Variants in ARHGEF3 observed in about 807,000 individuals in gnomAD.
The protein encoded by ARHGEF3 is 59.8 kDA protein.
ARHGEF3 carries 28 observed loss-of-function variants against 63.2 expected under a neutral mutation model. The ratio of observed to expected loss-of-function variants is 0.44; its 90% CI spans 0.33 to 0.61. The LOEUF (loss-of-function observed/expected upper bound fraction) is 0.61. Among genes scored for constraint, ARHGEF3 ranks in the 20% least tolerant of loss-of-function variants. The probability of loss-of-function intolerance (pLI) is 0.03; values close to 1 mark genes in which losing one functional copy is unlikely to be tolerated. For missense variants in ARHGEF3, 533 were observed against 659.3 expected (o/e 0.81, Z 2.10); for synonymous variants, 266 against 254.2 (o/e 1.05, Z -0.44).
At chr3:56,749,254 G>C (rs2034585852) in intron 6 of ARHGEF3, among the ~76,000 whole-genome samples, 1 of 152,266 alleles carries the variant, frequency 6.6e-6, no homozygotes, top group African/African-American at 2.4e-5. Flanking sequence ...GGGCCAGCAT[G>C]GTCACACTTC....
intron 2 of ARHGEF3, among the ~76,000 whole-genome samples, chr3:56,997,152 C>A (rs1702027345): frequency 6.6e-6 from 1 of 152,014 alleles, no homozygotes; most frequent in Non-Finnish European, 1.5e-5. Flanking sequence ...CTGAGGCCTG[C>A]GATGCTTGGT....
chr3:56,973,639 A>G (rs1701014400), intron 2 of ARHGEF3, among the ~76,000 whole-genome samples: 1 of 152,188 alleles, frequency 6.6e-6, no homozygotes, highest in African/African-American at 2.4e-5. Context: ...GCGGAGGCCA[A>G]GTGAAGACAG....
rs370952368 is a variant in ARHGEF3, at chr3:56,755,175, A to G, written c.205-24T>C. ...CGCTAAACAATGAGAAAAACAAACC[A>G]TCACGGGGGCAGCGGCAGGACTGGG... On this transcript the variant is annotated intron_variant, in intron 2 of 9. Transcript: ENST00000296315. 10 of 1,608,644 alleles carry G rather than the reference A, an allele frequency of 6.2e-6. 1 individual carries two copies. Among genetic ancestry groups the G allele is most frequent in the African/African-American group, 2.7e-5 (2 of 74,832 alleles).
chr3:56,803,270 T>C (rs899791467), upstream of ARHGEF3, among the ~76,000 whole-genome samples: 4 of 151,640 alleles, frequency 2.6e-5, no homozygotes, highest in Admixed American at 1.3e-4. Flanking sequence ...ACCCTGTGTC[T>C]ACAAAAAAAA....
intron 3 of ARHGEF3, among the ~76,000 whole-genome samples, chr3:56,909,681 G>T (rs2041803431): frequency 6.6e-6 from 1 of 152,196 alleles, no homozygotes; most frequent in Non-Finnish European, 1.5e-5. Context: ...CCTAATACAT[G>T]CCGGGCCTTG....
intron 4 of ARHGEF3, among the ~76,000 whole-genome samples, chr3:56,849,052 C>T (rs1372870315): frequency 6.6e-6 from 1 of 152,198 alleles, no homozygotes; most frequent in African/African-American, 2.4e-5. Context: ...CAGCAGGTAT[C>T]CGCTCTTTAT....
At chr3:56,928,567 A>G (rs1029010247) in intron 3 of ARHGEF3, among the ~76,000 whole-genome samples, 1 of 152,206 alleles carries the variant, frequency 6.6e-6, no homozygotes, top group Non-Finnish European at 1.5e-5. Context: ...CAATTACTGC[A>G]GACAACAATT....
At chr3:56,807,977 AGC>A (rs2037924678) in intron 4 of ARHGEF3, among the ~76,000 whole-genome samples, 2 of 152,090 alleles carry the variant, frequency 1.3e-5, no homozygotes, top group Admixed American at 1.3e-4. Context: ...TACGAAAATT[AGC>A]CAGGCATGGT....
chr3:57,040,673 C>A (rs1347038995), intron 1 of ARHGEF3, among the ~76,000 whole-genome samples: 1 of 151,932 alleles, frequency 6.6e-6, no homozygotes, highest in Non-Finnish European at 1.5e-5. Context: ...ACAGTTATGA[C>A]CGGTGCCCTT....
chr3:56,855,921 A>C (rs1010372717), intron 4 of ARHGEF3, among the ~76,000 whole-genome samples: 4 of 152,248 alleles, frequency 2.6e-5, no homozygotes, highest in African/African-American at 9.6e-5. Context: ...TTAACTTCTA[A>C]AACAATATCC....
intron 2 of ARHGEF3, among the ~76,000 whole-genome samples, chr3:57,004,965 TAAATA>T (rs1702411775): frequency 6.7e-6 from 1 of 149,976 alleles, no homozygotes; most frequent in African/African-American, 2.5e-5. Flanking sequence ...ATTTTAAAAA[TAAATA>T]AATATATATA....
chr3:56,964,887 T>C (rs947776522), intron 2 of ARHGEF3, among the ~76,000 whole-genome samples: 2 of 151,894 alleles, frequency 1.3e-5, no homozygotes, highest in African/African-American at 2.4e-5. Context: ...AAAATAGACA[T>C]TAAATAGATA....
chr3:57,005,884 G>C (rs1362437365), intron 2 of ARHGEF3, among the ~76,000 whole-genome samples: 1 of 152,192 alleles, frequency 6.6e-6, no homozygotes, highest in Non-Finnish European at 1.5e-5. Context: ...GCTTTCTAGT[G>C]TTCAAAGTTT....
Position 56,732,279 on chromosome 3 carries a change from A to T in ARHGEF3, c.1187T>A (p.Leu396Gln), listed in dbSNP as rs2033223492. 3.7e-6 allele frequency: 6 copies of T among 1,614,152 alleles called. No individual in the cohort carries two copies. Among genetic ancestry groups the T allele is most frequent in the Non-Finnish European group, 5.1e-6 (6 of 1,180,026 alleles). ...GAATGCCCCTCGCAGGGAGCCACCC[A>T]GCCTCACTTCTCCATCCTGGAGGTC... ...LEDLQDGEVR[L>Q]GGSLRGAFSN... Residue 396 changes from leucine to glutamine, a missense_variant, in exon 9 of 10, where the codon CTG (leucine) becomes CAG (glutamine). By Grantham distance (113) the Leu-to-Gln change is moderately radical. Around this residue, in one of 4 missense-constraint regions of ARHGEF3, gnomAD observed 151 missense variants for 190.7 expected, o/e 0.79. Coordinates refer to ENST00000296315, the MANE Select transcript of ARHGEF3 (RefSeq NM_019555.3).
intron 2 of ARHGEF3, among the ~76,000 whole-genome samples, chr3:57,018,553 C>T (rs1022455748): frequency 1.3e-5 from 2 of 152,180 alleles, no homozygotes; most frequent in Non-Finnish European, 2.9e-5. Context: ...TGAACCAGAG[C>T]AGTCTGGCTC....
intron 2 of ARHGEF3, among the ~76,000 whole-genome samples, chr3:57,002,506 A>ATATATATATATATATATATG (rs1702282014): frequency 1.3e-5 from 1 of 76,374 alleles, no homozygotes; most frequent in Non-Finnish European, 2.9e-5. Context: ...TGTTATATAT[A>ATATATATATATATATATATG]TATATATGTT....
chr3:56,863,550 T>C (rs918527881), intron 4 of ARHGEF3, among the ~76,000 whole-genome samples: 9 of 152,118 alleles, frequency 5.9e-5, no homozygotes, highest in African/African-American at 2.2e-4. Context: ...TCCACCCGCC[T>C]TGGCCTCCCA....
At position 56,879,219 on chromosome 3, in the gene ARHGEF3, C is replaced by T. The variant is rs185756822; in HGVS notation, c.192+3073G>A. 2.1e-3 allele frequency among the ~76,000 whole-genome samples: 320 copies of T among 152,306 alleles called. 1 individual carries two copies. Among genetic ancestry groups the T allele is most frequent in the African/African-American group, 7.4e-3 (308 of 41,558 alleles). On this transcript the variant is annotated intron_variant, in intron 4 of 12. Coordinates refer to the ARHGEF3 transcript ENST00000338458. ...TGAATCATCCTGAAACCATCCCCTA[C>T]CCCACCCGGTCAGTGGAAAACTGTC...
intron 7 of ARHGEF3, among the ~76,000 whole-genome samples, chr3:56,739,648 C>T (rs2033881235): frequency 6.6e-6 from 1 of 152,148 alleles, no homozygotes; most frequent in Non-Finnish European, 1.5e-5. Flanking sequence ...GATCTGCCTG[C>T]CTCGGCCTCC....
Sources: allele counts gnomAD v4.1 joint callset (sites outside exome capture counted in the v4.1 genomes callset), GRCh38; gene constraint gnomAD v4.1.1; regional missense constraint gnomAD v4.1.1; transcripts MANE v1.5; gene names NCBI Gene and HGNC (gene_info 2026-07-23, HGNC 2026-07-21).